Variants in ZBTB21 observed in about 807,000 individuals in gnomAD.
ZBTB21 encodes zinc finger and BTB domain-containing protein 21.
ZBTB21 carries 10 observed loss-of-function variants against 39.8 expected under a neutral mutation model. The ratio of observed to expected loss-of-function variants is 0.25; its 90% CI spans 0.16 to 0.43. The LOEUF is 0.43. Among genes scored for constraint, ZBTB21 ranks in the 20% least tolerant of loss-of-function variants. The pLI is 1.00. For missense variants in ZBTB21, 1,221 were observed against 1,296.3 expected, an observed-to-expected ratio of 0.94 and a Z score of 0.89; for synonymous variants, 551 against 498.8, an observed-to-expected ratio of 1.10 and a Z score of -1.40.
Position 41,988,498 on chromosome 21 carries a change from A to G in ZBTB21, c.*2397T>C, listed in dbSNP as rs1484605159. ...GAATAAAGTAATTAACATATCTTTC[A>G]TTATTTTACTTCTTAACATTTAAAA... On this transcript the variant is annotated 3_prime_UTR_variant, in exon 3 of 3. Transcript: ENST00000310826. The G allele has an allele frequency of 2.0e-5, 3 of 152,234 alleles. No homozygotes were observed. Among genetic ancestry groups the G allele is most frequent in the African/African-American group, 7.2e-5 (3 of 41,478 alleles). 9.4% of individuals were successfully genotyped at this position (152,234 alleles called of 1,614,324 possible).
chr21:42,006,700 G>A (rs543208957), intron 1 of ZBTB21, among the ~76,000 whole-genome samples: 3 of 152,278 alleles, frequency 2.0e-5, no homozygotes, highest in African/African-American at 7.2e-5. Flanking sequence ...AAATTTATAT[G>A]ATAAAGACTT....
intron 2 of ZBTB21, among the ~76,000 whole-genome samples, chr21:41,995,349 G>A (rs1178798895): frequency 6.6e-6 from 1 of 152,214 alleles, no homozygotes; most frequent in Non-Finnish European, 1.5e-5. Context: ...ATGGAGATGA[G>A]GAACTTGTTG....
At chr21:41,997,869 T>C (rs1427234198) in intron 2 of ZBTB21, among the ~76,000 whole-genome samples, 1 of 151,948 alleles carries the variant, frequency 6.6e-6, no homozygotes, top group African/African-American at 2.4e-5. Context: ...TGCCAGTTCC[T>C]TGCAGGCTGG....
rs755292040 is a variant in ZBTB21, at chr21:41,993,563, G to A, written c.533C>T (p.Pro178Leu). Residue 178 changes from proline to leucine, a missense_variant, in exon 3 of 3, where the codon CCT becomes CTT. Physicochemically the swap from Pro to Leu is moderately conservative, Grantham distance 98. This residue lies in a region of ZBTB21 where 500 missense variants were observed against 465.6 expected (regional missense o/e 1.07). Coordinates refer to ENST00000310826, the MANE Select transcript of ZBTB21 (RefSeq NM_001098402.2). The part of the protein sequence containing the change: ...PDVSHTSRPS[P>L]SIAVKANTNK... ...GGTATTGGCCTTGACTGCAATGCTA[G>A]GAGAGGGCCGGGAAGTATGGCTTAC... 3 of 1,614,260 alleles carry A rather than the reference G, an allele frequency of 1.9e-6. No homozygotes were observed. Among genetic ancestry groups the A allele is most frequent in the South Asian group, 2.2e-5 (2 of 91,092 alleles).
Position 41,991,619 on chromosome 21 carries a change from G to T in ZBTB21, c.2477C>A (p.Pro826His). Residue 826 changes from proline (P) to histidine (H), a missense_variant, in exon 3 of 3, where the codon CCC becomes CAC. Physicochemically the swap from Pro to His is moderately conservative, Grantham distance 77. Around this residue, in one of 4 missense-constraint regions of ZBTB21, gnomAD observed 523 missense variants for 542.5 expected, o/e 0.96. Coordinates refer to ENST00000310826, the MANE Select transcript of ZBTB21 (RefSeq NM_001098402.2). The surrounding 1 kb of genome is among the most constrained non-coding windows in gnomAD (Gnocchi z 4.9). ...HNGDVTGSSR[P>H]QSQPEPNKVN... ...TTTGTTGGGCTCAGGCTGGGATTGG[G>T]GCCTTGAAGAACCAGTCACATCACC... The T allele has an allele frequency of 6.2e-6, 10 of 1,614,126 alleles. No homozygotes were observed. Among genetic ancestry groups the T allele is most frequent in the Non-Finnish European group, 8.5e-6 (10 of 1,180,036 alleles).
rs1286617302 is a variant in ZBTB21 at position 41,987,469 on chromosome 21, AAAGTT to A, written c.*3421_*3425del. 1 of 152,230 alleles carries A rather than the reference AAAGTT, an allele frequency of 6.6e-6. No individual in the cohort carries two copies. The highest frequency in any genetic ancestry group is 1.5e-5 in the Non-Finnish European group (1 of 68,036). 9.4% of individuals were successfully genotyped at this position (152,230 alleles called of 1,614,324 possible). Reference sequence around the variant, plus strand: ...AATGAAAACCTATTTTTTAAAACTTAAAGTTTAGTAGTCAGTGTTAAAGAACACTT... The same window carrying A: ...AATGAAAACCTATTTTTTAAAACTTATAGTAGTCAGTGTTAAAGAACACTT... On this transcript the variant is annotated 3_prime_UTR_variant, in exon 3 of 3. Coordinates refer to ENST00000310826, the MANE Select transcript of ZBTB21 (RefSeq NM_001098402.2).
intron 2 of ZBTB21, among the ~76,000 whole-genome samples, chr21:41,995,662 G>A (rs573014469): frequency 6.6e-6 from 1 of 152,368 alleles, no homozygotes; most frequent in Non-Finnish European, 1.5e-5. Flanking sequence ...AAGTAAGGAG[G>A]AGCCGAATGT....
At chr21:42,000,363 C>T (rs1569111860) in intron 2 of ZBTB21, among the ~76,000 whole-genome samples, 3 of 152,142 alleles carry the variant, frequency 2.0e-5, no homozygotes, top group South Asian at 2.1e-4. Flanking sequence ...CCCAAATAAA[C>T]GTCTACCTCT....
chr21:42,009,756 CGCGGCAGGT>C (rs1349836277), intron 1 of ZBTB21, among the ~76,000 whole-genome samples: 1 of 151,832 alleles, frequency 6.6e-6, no homozygotes, highest in Non-Finnish European at 1.5e-5. Flanking sequence ...AGCGGCGGGT[CGCGGCAGGT>C]GCGGGGTCCC....
rs1384665480 is a variant in ZBTB21, at chr21:41,994,029, C to T, written c.67G>A (p.Glu23Lys). 1 of 1,614,114 alleles carries T rather than the reference C, an allele frequency of 6.2e-7. No homozygotes were observed. The highest frequency in any genetic ancestry group is 1.7e-5 in the Admixed American group (1 of 60,018). The change falls in exon 3 of 3, where the codon GAG becomes AAG. Residue 23 changes from glutamate (E) to lysine (K), a missense_variant. By Grantham distance (56) the Glu-to-Lys change is moderately conservative. Coordinates refer to ENST00000310826, the MANE Select transcript of ZBTB21 (RefSeq NM_001098402.2). ...AISLLSALNE[E>K]RLKGQLCDVL... is the part of the protein sequence containing the mutation. ...TCACACAGCTGTCCTTTGAGACGCT[C>T]CTCATTCAGGGCACTTAGGAGAGAA... is the stretch of plus-strand genomic sequence containing the variant.
chr21:41,996,064 G>T (rs1446993742), intron 2 of ZBTB21, among the ~76,000 whole-genome samples: 2 of 152,254 alleles, frequency 1.3e-5, no homozygotes, highest in Non-Finnish European at 2.9e-5. Context: ...ATGAGGGGCA[G>T]GGCCCCATGG....
In ZBTB21 at chr21:41,992,282, G is replaced by A. The variant is rs1343017109; in HGVS notation, c.1814C>T (p.Ser605Leu). 3.7e-6 allele frequency: 6 copies of A among 1,614,168 alleles called. No homozygotes were observed. Among genetic ancestry groups the A allele is most frequent in the Non-Finnish European group, 5.1e-6 (6 of 1,180,030 alleles). ...QTQHGIVKNP[S>L]PASSSHAVLD... ...AACAGCATGTGAACTAGAGGCTGGT[G>A]ATGGGTTCTTCACTATGCCGTGTTG... is the stretch of plus-strand genomic sequence containing the variant. Residue 605 changes from serine to leucine, a missense_variant, in exon 3 of 3, where the codon TCA (serine) becomes TTA (leucine). By Grantham distance (145) the Ser-to-Leu change is moderately radical. Coordinates refer to ENST00000310826, the MANE Select transcript of ZBTB21 (RefSeq NM_001098402.2). This position sits in a 1 kb window ranked among gnomAD's most constrained non-coding sequence, Gnocchi z 4.1.
chr21:41,995,068 C>T (rs2065727876), intron 2 of ZBTB21, among the ~76,000 whole-genome samples: 1 of 152,150 alleles, frequency 6.6e-6, no homozygotes, highest in South Asian at 2.1e-4. Flanking sequence ...TGTAAGTTAC[C>T]CAGTCTTGGG....
chr21:41,997,125 T>C (rs963021010), intron 2 of ZBTB21, among the ~76,000 whole-genome samples: 4 of 152,186 alleles, frequency 2.6e-5, no homozygotes, highest in Non-Finnish European at 4.4e-5. Context: ...CCTCACTATG[T>C]TGCTCAGGCT....
intron 2 of ZBTB21, among the ~76,000 whole-genome samples, chr21:41,999,096 G>A (rs1302533440): frequency 6.6e-6 from 1 of 152,084 alleles, no homozygotes; most frequent in East Asian, 1.9e-4. Context: ...AAAGACATAA[G>A]CTTATAATGT....
At position 41,991,977 on chromosome 21, in the gene ZBTB21, T is replaced by C. The variant is rs1231928012; in HGVS notation, c.2119A>G (p.Lys707Glu). Residue 707 changes from lysine to glutamate, a missense_variant, in exon 3 of 3, where the codon AAA becomes GAA. Physicochemically the swap from Lys to Glu is moderately conservative, Grantham distance 56 (BLOSUM62 1). Transcript: ENST00000310826. This position sits in a 1 kb window ranked among gnomAD's most constrained non-coding sequence, Gnocchi z 4.9. ...GGACTTGCAAGAGGAGCATGCTCTT[T>C]TGGTTTAGCAACTTTATTTACTCCA... ...PLGVNKVAKP[K>E]EHAPLASPVE... The C allele has an allele frequency of 1.2e-6, 2 of 1,614,096 alleles. No individual in the cohort carries two copies. The highest frequency in any genetic ancestry group is 3.3e-5 in the Admixed American group (2 of 60,004).
intron 2 of ZBTB21, among the ~76,000 whole-genome samples, chr21:41,996,000 A>G (rs1326376426): frequency 2.6e-5 from 4 of 152,230 alleles, no homozygotes; most frequent in Non-Finnish European, 5.9e-5. Context: ...CAGAGGATGT[A>G]TGAGAACACC....
intron 1 of ZBTB21, chr21:42,008,184 T>C (rs2065903255): frequency 6.6e-6 from 1 of 152,152 alleles, no homozygotes; most frequent in Non-Finnish European, 1.5e-5. Context: ...CTGCTCTCTC[T>C]ACTTCCATTG....
At position 41,991,742 on chromosome 21, in the gene ZBTB21, T is replaced by C. The variant is rs777366464; in HGVS notation, c.2354A>G (p.Lys785Arg). The part of the protein sequence containing the change: ...LTCLECMRTF[K>R]SSFSIWRHQV... ...GTGCCGCCAGATGCTGAAAGAGGAC[T>C]TGAAGGTGCGCATGCACTCGAGGCA... is the stretch of plus-strand genomic sequence containing the variant. Residue 785 changes from lysine to arginine, a missense_variant, in exon 3 of 3, where the codon AAG (lysine) becomes AGG (arginine). By Grantham distance (26) the Lys-to-Arg change is conservative (BLOSUM62 2). Transcript: ENST00000310826. The surrounding 1 kb of genome is among the most constrained non-coding windows in gnomAD (Gnocchi z 4.9). 6.2e-7 allele frequency: 1 copy of C among 1,614,222 alleles called. No homozygotes were observed. The highest frequency in any genetic ancestry group is 1.7e-5 in the Admixed American group (1 of 60,024).
Sources: gnomAD v4.1 joint callset for allele counts (sites outside exome capture counted in the v4.1 genomes callset) on GRCh38, gnomAD v4.1.1 for gene constraint, gnomAD v4.1.1 regional missense constraint, Gnocchi (gnomAD v3.1) non-coding constraint, MANE v1.5 for transcripts, NCBI Gene and HGNC (gene_info 2026-07-23, HGNC 2026-07-21) for gene names.